The following ENKUR variants were observed in gnomAD, a reference collection of about 807,000 sequenced individuals.
The protein encoded by ENKUR is enkurin.
A neutral mutation model predicts 27.6 loss-of-function variants in ENKUR; 19 were observed. The ratio of observed to expected loss-of-function variants is 0.69; its 90% CI spans 0.48 to 1.01. The LOEUF is 1.01. ENKUR is among the 50% of genes least tolerant of loss of function. The probability of loss-of-function intolerance (pLI) is 0.00; values close to 1 mark genes in which losing one functional copy is unlikely to be tolerated. For missense variants in ENKUR, 312 were observed against 310.5 expected (o/e 1.00, Z -0.04); for synonymous variants, 117 against 96.9 (o/e 1.21, Z -1.22).
chr10:25,031,324 C>T (rs1850932410), intron 2 of ENKUR, among the ~76,000 whole-genome samples: 1 of 152,262 alleles, frequency 6.6e-6, no homozygotes, highest in Admixed American at 6.5e-5. Context: ...GACACTTCTA[C>T]TTCCTACATT....
chr10:25,020,826 G>A (rs1006215811), upstream of ENKUR, among the ~76,000 whole-genome samples: 2 of 151,952 alleles, frequency 1.3e-5, no homozygotes, highest in Non-Finnish European at 2.9e-5. Context: ...AGAAAGTTAT[G>A]TATTGCAAAC....
chr10:25,058,866 G>A (rs905343148), intron 2 of ENKUR, among the ~76,000 whole-genome samples: 3 of 151,246 alleles, frequency 2.0e-5, no homozygotes, highest in Middle Eastern at 3.2e-3. Context: ...AGGAGGTAGA[G>A]GTTGCAGTGA....
intron 2 of ENKUR, among the ~76,000 whole-genome samples, chr10:24,996,741 T>C (rs758203479): frequency 7.2e-5 from 11 of 152,358 alleles, no homozygotes; most frequent in South Asian, 2.1e-4. Flanking sequence ...ATATAACTTT[T>C]ATTATCAGCA....
intron 2 of ENKUR, among the ~76,000 whole-genome samples, chr10:25,045,637 T>C (rs1398684097): frequency 1.3e-5 from 2 of 152,180 alleles, no homozygotes; most frequent in Non-Finnish European, 2.9e-5. Context: ...TGAGACATTG[T>C]TGACTAATAA....
At chr10:25,019,823 C>T (rs1016860092), upstream of ENKUR, among the ~76,000 whole-genome samples, 21 of 152,176 alleles carry the variant, frequency 1.4e-4, no homozygotes, top group African/African-American at 5.1e-4. Flanking sequence ...TCCCTCTATT[C>T]AACAGAACCA....
At chr10:25,056,357 A>G (rs1368978483) in intron 2 of ENKUR, among the ~76,000 whole-genome samples, 1 of 152,224 alleles carries the variant, frequency 6.6e-6, no homozygotes, top group African/African-American at 2.4e-5. Context: ...ATCAATTCCA[A>G]TGCAGGTCAG....
chr10:25,026,224 A>G (rs908888691), intron 2 of ENKUR: 2 of 166,834 alleles, frequency 1.2e-5, no homozygotes, highest in Non-Finnish European at 2.9e-5. Flanking sequence ...TTGGACTACA[A>G]CTAATGTGTA....
intron 4 of ENKUR, among the ~76,000 whole-genome samples, chr10:24,988,647 A>G (rs1849846438): frequency 7.6e-6 from 1 of 130,800 alleles, no homozygotes; most frequent in Non-Finnish European, 1.6e-5. Flanking sequence ...CTGAAAATGT[A>G]GAGTGACACA....
chr10:25,062,187 A>AT (rs1851336944), exon 1 of ENKUR: 1 of 152,170 alleles, frequency 6.6e-6, no homozygotes, highest in Non-Finnish European at 1.5e-5. Context: ...CTTACCTATA[A>AT]GCCTAATCCT....
In ENKUR at chr10:24,985,029, A is replaced by G. The variant is rs138189532; in HGVS notation, c.595-124T>C. 1,880 of 789,938 alleles carry G rather than the reference A, an allele frequency of 2.4e-3. 8 individuals carry two copies. Among genetic ancestry groups the G allele is most frequent in the Non-Finnish European group, 3.4e-3 (1,659 of 490,136 alleles). 48.9% of individuals were successfully genotyped at this position (789,938 alleles called of 1,614,324 possible). A position where few individuals can be genotyped will look rare whatever the true frequency, so the allele number is the denominator to read the frequency against. ...GAAACTGACAAAAATAACTTCTAAA[A>G]TGAAATGTATTTATCAAGTACTTGG... On this transcript the variant is annotated intron_variant, in intron 4 of 5. Transcript: ENST00000331161.
At chr10:25,032,517 G>A (rs745652113) in intron 2 of ENKUR, among the ~76,000 whole-genome samples, 5 of 152,134 alleles carry the variant, frequency 3.3e-5, no homozygotes, top group Non-Finnish European at 7.4e-5. Flanking sequence ...TTCCAAGGCT[G>A]TAACTGCTTT....
chr10:25,007,373 G>A (rs1034340186), intron 1 of ENKUR, among the ~76,000 whole-genome samples: 1 of 152,144 alleles, frequency 6.6e-6, no homozygotes, highest in Non-Finnish European at 1.5e-5. Context: ...TGCCAGAGAG[G>A]TGTGCTAATG....
At chr10:25,025,499 TAATA>T (rs1005868612) in intron 2 of ENKUR, 13 of 1,531,048 alleles carry the variant, frequency 8.5e-6, no homozygotes, top group Admixed American at 2.1e-5. Context: ...AAGCATGCAA[TAATA>T]AATCTCAAAC....
intron 2 of ENKUR, among the ~76,000 whole-genome samples, chr10:25,039,794 C>A (rs886903052): frequency 6.6e-6 from 1 of 152,126 alleles, no homozygotes; most frequent in African/African-American, 2.4e-5. Context: ...GTGTAGAAGG[C>A]TTATCTTTTT....
upstream of ENKUR, among the ~76,000 whole-genome samples, chr10:25,020,556 C>T (rs1850699491): frequency 6.6e-6 from 1 of 151,950 alleles, no homozygotes; most frequent in Admixed American, 6.6e-5. Flanking sequence ...TGCTTGAGTT[C>T]AGGAGTTCGA....
intron 2 of ENKUR, chr10:25,023,900 T>C: frequency 6.2e-7 from 1 of 1,614,178 alleles, no homozygotes; most frequent in Non-Finnish European, 8.5e-7. Flanking sequence ...TACCAAGATG[T>C]GGACTCGGAA....
At chr10:24,984,504 T>C in intron 5 of ENKUR, 128 bp from the exon 6 acceptor site, 1 of 1,253,962 alleles carries the variant, frequency 8.0e-7, no homozygotes. Context: ...GGAACACATA[T>C]TCTCAAATTT....
intron 2 of ENKUR, among the ~76,000 whole-genome samples, chr10:25,043,421 T>C (rs544794863): frequency 6.6e-6 from 1 of 152,320 alleles, no homozygotes; most frequent in African/African-American, 2.4e-5. Flanking sequence ...AATTAAAAAT[T>C]AGTCATCATT....
intron 2 of ENKUR, chr10:25,025,145 C>T: frequency 6.2e-7 from 1 of 1,614,010 alleles, no homozygotes; most frequent in Non-Finnish European, 8.5e-7. Context: ...ATTTTGGATC[C>T]ACACACTGCT....
Sources: allele counts gnomAD v4.1 joint callset (sites outside exome capture counted in the v4.1 genomes callset), GRCh38; gene constraint gnomAD v4.1.1; transcripts MANE v1.5; gene names NCBI Gene and HGNC (gene_info 2026-07-23, HGNC 2026-07-21).